The following DEUP1 variants were observed in gnomAD, a reference collection of about 807,000 sequenced individuals.
DEUP1 encodes deuterosome assembly protein 1, also known as coiled-coil domain containing 67.
In DEUP1, 82 loss-of-function variants were observed where a neutral mutation model predicts 87.4. The observed-to-expected ratio is 0.94, with a 90% confidence interval of 0.78 to 1.13. The LOEUF is 1.13. DEUP1 is among the 50% of genes most tolerant of loss of function. The probability of loss-of-function intolerance (pLI) is 0.00; values close to 1 mark genes in which losing one functional copy is unlikely to be tolerated. For missense variants in DEUP1, 663 were observed against 681.5 expected, an observed-to-expected ratio of 0.97 and a Z score of 0.30; for synonymous variants, 214 against 222.7, an observed-to-expected ratio of 0.96 and a Z score of 0.35.
intron 4 of DEUP1, among the ~76,000 whole-genome samples, chr11:93,359,390 A>G (rs952957969): frequency 6.6e-6 from 1 of 152,194 alleles, no homozygotes; most frequent in Admixed American, 6.5e-5. Flanking sequence ...TATAATTTCA[A>G]GTACATAAAT....
At chr11:93,395,454 C>T (rs1946912920) in intron 10 of DEUP1, among the ~76,000 whole-genome samples, 1 of 152,110 alleles carries the variant, frequency 6.6e-6, no homozygotes, top group Admixed American at 6.6e-5. Context: ...AAGCCTTAAA[C>T]CGTGATTTAT....
chr11:93,368,957 AAAG>A (rs1235373729), intron 5 of DEUP1, among the ~76,000 whole-genome samples: 3 of 151,668 alleles, frequency 2.0e-5, no homozygotes, highest in Admixed American at 6.6e-5. Context: ...AAAAGAAAAA[AAAG>A]AAACCACCCC....
chr11:93,417,519 T>G (rs1189454354), intron 13 of DEUP1, among the ~76,000 whole-genome samples: 14 of 151,904 alleles, frequency 9.2e-5, no homozygotes, highest in Admixed American at 2.6e-4. Flanking sequence ...CACTGCTCAA[T>G]GAAATAAAAG....
At chr11:93,368,353 G>A (rs1945525683) in intron 5 of DEUP1, among the ~76,000 whole-genome samples, 1 of 152,234 alleles carries the variant, frequency 6.6e-6, no homozygotes, top group African/African-American at 2.4e-5. Flanking sequence ...GAGTGCCTGT[G>A]TATTAATCCA....
intron 13 of DEUP1, among the ~76,000 whole-genome samples, chr11:93,429,503 C>T (rs1049682501): frequency 1.3e-5 from 2 of 152,148 alleles, no homozygotes; most frequent in Non-Finnish European, 2.9e-5. Flanking sequence ...TTTAGGATCA[C>T]AATTAGTGTC....
In DEUP1 at chr11:93,370,007, C is replaced by T. The variant is rs1041429631; in HGVS notation, c.433-66C>T. The T allele has an allele frequency of 2.6e-5, 19 of 742,338 alleles. No homozygotes were observed. The Admixed American group carries it at 2.7e-4, about 11-fold the overall frequency. The allele number at this position is 742,338 out of a possible 1,614,324, so 46.0% of individuals were successfully genotyped here. A position where few individuals can be genotyped will look rare whatever the true frequency, so the allele number is the denominator to read the frequency against. ...AATGAAGATGTACAAATGAAAGAAG[C>T]CTTATTTGCTGTACTTTAAAATGAA... On this transcript the variant is annotated intron_variant, in intron 5 of 13. Coordinates refer to ENST00000298050, the MANE Select transcript of DEUP1 (RefSeq NM_181645.4).
chr11:93,381,889 A>G (rs986125373), intron 7 of DEUP1, among the ~76,000 whole-genome samples: 2 of 152,178 alleles, frequency 1.3e-5, no homozygotes, highest in African/African-American at 4.8e-5. Flanking sequence ...TAATCAACAT[A>G]TAAAAAGTTA....
intron 4 of DEUP1, among the ~76,000 whole-genome samples, chr11:93,358,077 T>C (rs1944981079): frequency 6.6e-6 from 1 of 152,226 alleles, no homozygotes; most frequent in Non-Finnish European, 1.5e-5. Flanking sequence ...CATTACATAT[T>C]GGTCAATATA....
At chr11:93,435,649 T>C (rs896061307) in intron 13 of DEUP1, among the ~76,000 whole-genome samples, 1 of 152,144 alleles carries the variant, frequency 6.6e-6, no homozygotes, top group African/African-American at 2.4e-5. Flanking sequence ...ACTTGTACCC[T>C]ATCCTGAACC....
chr11:93,414,976 C>A, intron 12 of DEUP1, 24 bp from the exon 13 acceptor site: 2 of 1,332,344 alleles, frequency 1.5e-6, no homozygotes, highest in Non-Finnish European at 1.0e-6. Flanking sequence ...ATAGCAACAA[C>A]AACAACCATT....
Position 93,391,393 on chromosome 11 carries a change from A to G in DEUP1, c.1041+2268A>G, listed in dbSNP as rs139343960. On this transcript the variant is annotated intron_variant, in intron 9 of 13. Transcript: ENST00000298050. ...TAGTTTACTCCTTTTTCACAGTAGT[A>G]TATTCATTTTTTTATATTTTAAAAG... 3.9e-5 allele frequency among the ~76,000 whole-genome samples: 6 copies of G among 152,214 alleles called. No homozygotes were observed. In the East Asian group the frequency reaches 5.8e-4, roughly 15 times the overall value.
At chr11:93,407,592 A>G (rs1184736115) in intron 11 of DEUP1, among the ~76,000 whole-genome samples, 1 of 152,152 alleles carries the variant, frequency 6.6e-6, no homozygotes, top group Non-Finnish European at 1.5e-5. Flanking sequence ...TGTTAATAGC[A>G]GTTATCACTG....
chr11:93,364,242 A>ACCTTAAAGAAGAAATAC lies in DEUP1; in HGVS notation c.385_401dup (p.Phe134LeufsTer9). On this transcript the variant is annotated frameshift_variant, in exon 5 of 14. Transcript: ENST00000298050. LOFTEE classifies it high-confidence loss of function. ...AAAGTTCCACGAAAAGAATTACCAC[A>ACCTTAAAGAAGAAATAC]CCTTAAAGAAGAAATACCCTTTGAA... The ACCTTAAAGAAGAAATAC allele has an allele frequency of 6.2e-7, 1 of 1,610,138 alleles. No individual in the cohort carries two copies. Among genetic ancestry groups the ACCTTAAAGAAGAAATAC allele is most frequent in the African/African-American group, 1.3e-5 (1 of 74,960 alleles).
chr11:93,340,863 G>A (rs78388765), intron 2 of DEUP1, among the ~76,000 whole-genome samples: 13,636 of 152,178 alleles, frequency 0.09, 1,544 homozygotes, highest in African/African-American at 0.27. Context: ...TGAGATGCCT[G>A]TTATATATCC....
At chr11:93,376,191 G>A (rs561182453) in intron 7 of DEUP1, among the ~76,000 whole-genome samples, 56 of 152,194 alleles carry the variant, frequency 3.7e-4, no homozygotes, top group African/African-American at 9.6e-4. Context: ...TGATCTGCCC[G>A]CCTTGGCCTG....
chr11:93,416,376 A>C (rs1194235457), intron 13 of DEUP1, among the ~76,000 whole-genome samples: 1 of 152,222 alleles, frequency 6.6e-6, no homozygotes, highest in African/African-American at 2.4e-5. Context: ...CAGAAATACA[A>C]ACTACCATCA....
chr11:93,427,158 C>T (rs1039937687), intron 13 of DEUP1, among the ~76,000 whole-genome samples: 1 of 150,502 alleles, frequency 6.6e-6, no homozygotes, highest in Non-Finnish European at 1.5e-5. Flanking sequence ...AAAGAGCCCA[C>T]ATCGCCAAGT....
intron 12 of DEUP1, among the ~76,000 whole-genome samples, chr11:93,411,551 C>A (rs1947437238): frequency 6.6e-6 from 1 of 152,102 alleles, no homozygotes. Context: ...AGTAAGACAG[C>A]TACTTAGCAC....
chr11:93,417,832 A>G (rs1380677336), intron 13 of DEUP1, among the ~76,000 whole-genome samples: 2 of 152,068 alleles, frequency 1.3e-5, no homozygotes, highest in Non-Finnish European at 2.9e-5. Flanking sequence ...CCAAAACAGA[A>G]ATATAGATCA....
Sources: gnomAD v4.1 joint callset for allele counts (sites outside exome capture counted in the v4.1 genomes callset) on GRCh38, gnomAD v4.1.1 for gene constraint, MANE v1.5 for transcripts, NCBI Gene and HGNC (gene_info 2026-07-23, HGNC 2026-07-21) for gene names.